Variants in PIK3C2G observed in about 807,000 individuals in gnomAD.
PIK3C2G encodes the protein phosphatidylinositol 3-kinase C2 domain-containing subunit gamma.
PIK3C2G carries 168 observed loss-of-function variants against 181.1 expected under a neutral mutation model. The ratio of observed to expected loss-of-function variants is 0.93; its 90% CI spans 0.82 to 1.05. The LOEUF (loss-of-function observed/expected upper bound fraction) is 1.05. Among genes scored for constraint, PIK3C2G ranks in the 50% least tolerant of loss-of-function variants. The pLI, the probability that PIK3C2G is intolerant of heterozygous loss-of-function variation, is 0.00. For synonymous variants in PIK3C2G, 573 were observed against 592.2 expected, an observed-to-expected ratio of 0.97 and a Z score of 0.47; for missense variants, 1,869 against 1,732.8, an observed-to-expected ratio of 1.08 and a Z score of -1.40.
At chr12:18,544,037 C>T (rs990992922) in intron 25 of PIK3C2G, among the ~76,000 whole-genome samples, 2 of 151,804 alleles carry the variant, frequency 1.3e-5, no homozygotes, top group Non-Finnish European at 2.9e-5. Context: ...ACAAAGAAAG[C>T]AGTCATTAAA....
At chr12:18,325,550 A>C (rs1162459034) in intron 8 of PIK3C2G, among the ~76,000 whole-genome samples, 1 of 152,032 alleles carries the variant, frequency 6.6e-6, no homozygotes, top group African/African-American at 2.4e-5. Context: ...CTACTAAAAA[A>C]TACAAAAATT....
chr12:18,274,219 T>C (rs1439167350), intron 1 of PIK3C2G, among the ~76,000 whole-genome samples: 2 of 152,184 alleles, frequency 1.3e-5, no homozygotes, highest in Non-Finnish European at 2.9e-5. Context: ...TGTAAACTAG[T>C]TCAACCATTG....
chr12:18,435,489 G>A (rs1023038470), intron 18 of PIK3C2G, among the ~76,000 whole-genome samples: 11 of 152,018 alleles, frequency 7.2e-5, no homozygotes, highest in African/African-American at 2.4e-4. Flanking sequence ...CCTCCAGCTG[G>A]TTAGCATAAT....
chr12:18,367,703 C>T (rs1038311044), intron 12 of PIK3C2G, among the ~76,000 whole-genome samples: 1 of 151,938 alleles, frequency 6.6e-6, no homozygotes, highest in African/African-American at 2.4e-5. Flanking sequence ...TACAGGCATG[C>T]ATGTGCCACC....
intron 2 of PIK3C2G, among the ~76,000 whole-genome samples, chr12:18,283,258 G>C (rs1448684277): frequency 6.6e-6 from 1 of 151,974 alleles, no homozygotes; most frequent in Non-Finnish European, 1.5e-5. Flanking sequence ...TCATTCCAAG[G>C]GTAGGAAATT....
intron 1 of PIK3C2G, among the ~76,000 whole-genome samples, chr12:18,280,634 T>C (rs1795655463): frequency 6.6e-6 from 1 of 151,822 alleles, no homozygotes; most frequent in Non-Finnish European, 1.5e-5. Context: ...AACTTCCAAG[T>C]CAACTGAGGA....
the PIK3C2G span, chr12:18,699,968 T>C: frequency 6.3e-7 from 1 of 1,599,490 alleles, no homozygotes; most frequent in Non-Finnish European, 8.5e-7. Flanking sequence ...TAAAATGCAG[T>C]AATTTTACAT....
At chr12:18,700,865 T>C in the PIK3C2G span, among the ~76,000 whole-genome samples, 1 of 152,310 alleles carries the variant, frequency 6.6e-6, no homozygotes, top group African/African-American at 2.4e-5. Context: ...ATTATTAATA[T>C]TGAATCTTGT....
chr12:18,706,400 A>G, the PIK3C2G span, among the ~76,000 whole-genome samples: 5,495 of 152,310 alleles, frequency 0.036, 135 homozygotes, highest in East Asian at 0.085. Context: ...CAAAAACATT[A>G]TTAACACTGA....
the PIK3C2G span, among the ~76,000 whole-genome samples, chr12:18,719,171 G>A: frequency 1.3e-5 from 2 of 152,032 alleles, no homozygotes; most frequent in Non-Finnish European, 2.9e-5. Context: ...AACTTCGGAG[G>A]GGCCATAACC....
chr12:18,377,949 C>T (rs916894853), intron 13 of PIK3C2G, among the ~76,000 whole-genome samples: 3 of 152,104 alleles, frequency 2.0e-5, no homozygotes, highest in Admixed American at 6.6e-5. Flanking sequence ...CTCCACCTCT[C>T]GGGTTTAAGT....
At chr12:18,321,913 G>A (rs768555362) in intron 7 of PIK3C2G, among the ~76,000 whole-genome samples, 5 of 152,098 alleles carry the variant, frequency 3.3e-5, no homozygotes, top group Admixed American at 6.6e-5. Context: ...CACAGGGAGG[G>A]GAACAACACA....
chr12:18,536,185 A>G (rs1943843974), intron 24 of PIK3C2G, among the ~76,000 whole-genome samples: 1 of 152,152 alleles, frequency 6.6e-6, no homozygotes, highest in South Asian at 2.1e-4. Context: ...GTAACAGAGT[A>G]AATTAAATCT....
At chr12:18,641,133 G>A (rs144160218) in intron 32 of PIK3C2G, among the ~76,000 whole-genome samples, 1 of 151,786 alleles carries the variant, frequency 6.6e-6, no homozygotes, top group East Asian at 1.9e-4. Flanking sequence ...CTTTTCTTAT[G>A]GCTGTCTCAT....
At chr12:18,489,317 AC>A (rs1174269097) in intron 19 of PIK3C2G, among the ~76,000 whole-genome samples, 1 of 152,132 alleles carries the variant, frequency 6.6e-6, no homozygotes, top group Non-Finnish European at 1.5e-5. Flanking sequence ...TTAACTACCT[AC>A]TATAGACTAG....
chr12:18,524,858 C>T (rs1052952719), intron 24 of PIK3C2G, among the ~76,000 whole-genome samples: 6 of 151,266 alleles, frequency 4.0e-5, no homozygotes, highest in Admixed American at 6.6e-5. Context: ...ATGAGCCACC[C>T]ACCCGGCCTG....
intron 31 of PIK3C2G, among the ~76,000 whole-genome samples, chr12:18,633,461 C>T (rs1015699504): frequency 1.1e-4 from 16 of 152,162 alleles, no homozygotes; most frequent in African/African-American, 2.2e-4. Flanking sequence ...ATTTGCCTTC[C>T]GCATATACCT....
chr12:18,558,746 G>A (rs1945139115), intron 26 of PIK3C2G, among the ~76,000 whole-genome samples: 1 of 152,130 alleles, frequency 6.6e-6, no homozygotes, highest in African/African-American at 2.4e-5. Flanking sequence ...TCAGTGAGAT[G>A]AGCACTTTTC....
At chr12:18,634,527 C>T (rs1387128217) in intron 31 of PIK3C2G, among the ~76,000 whole-genome samples, 1 of 152,198 alleles carries the variant, frequency 6.6e-6, no homozygotes, top group East Asian at 1.9e-4. Flanking sequence ...TGGAAGCAGT[C>T]CAATGTAATC....
Sources: gnomAD v4.1 joint callset for allele counts (sites outside exome capture counted in the v4.1 genomes callset) on GRCh38, gnomAD v4.1.1 for gene constraint, MANE v1.5 for transcripts, NCBI Gene and HGNC (gene_info 2026-07-23, HGNC 2026-07-21) for gene names.